Variants in CYP4X1 observed in about 807,000 individuals in gnomAD.
The protein encoded by CYP4X1 is cytochrome P450 family 4 subfamily X member 1.
In CYP4X1, 44 loss-of-function variants were observed where a neutral mutation model predicts 57.9. The observed-to-expected ratio is 0.76, with a 90% CI of 0.60 to 0.98. CYP4X1 has a LOEUF of 0.98. Among genes scored for constraint, CYP4X1 ranks in the 50% least tolerant of loss-of-function variants. The probability of loss-of-function intolerance (pLI) is 0.00; values close to 1 mark genes in which losing one functional copy is unlikely to be tolerated. For missense variants in CYP4X1, 532 were observed against 623.9 expected (o/e 0.85, Z 1.57); for synonymous variants, 227 against 228.6 (o/e 0.99, Z 0.06).
At chr1:47,033,046 C>T (rs980927140) in intron 3 of CYP4X1, among the ~76,000 whole-genome samples, 195 bp from the exon 4 acceptor site, 9 of 152,224 alleles carry the variant, frequency 5.9e-5, no homozygotes, top group Non-Finnish European at 1.2e-4. Flanking sequence ...TAAATACATC[C>T]ATCCCAGAGG....
At chr1:47,014,025 T>A in the CYP4X1 span, among the ~76,000 whole-genome samples, 1 of 152,124 alleles carries the variant, frequency 6.6e-6, no homozygotes, top group South Asian at 2.1e-4. Context: ...TCTGCCCACC[T>A]CGGCCTCCGA....
At chr1:47,012,089 G>T in the CYP4X1 span, among the ~76,000 whole-genome samples, 485 of 152,282 alleles carry the variant, frequency 3.2e-3, no homozygotes, top group African/African-American at 0.011. Flanking sequence ...AAATCACGCT[G>T]CTATAAAGAC....
chr1:46,980,457 A>G, the CYP4X1 span, among the ~76,000 whole-genome samples: 3 of 152,324 alleles, frequency 2.0e-5, no homozygotes, highest in African/African-American at 7.2e-5. Flanking sequence ...ACTACAAACC[A>G]CTGCTCAATG....
chr1:47,006,645 C>T, the CYP4X1 span, among the ~76,000 whole-genome samples: 1 of 152,258 alleles, frequency 6.6e-6, no homozygotes, highest in East Asian at 1.9e-4. Flanking sequence ...TCGCGTCACC[C>T]AGGAAGTGCA....
intron 6 of CYP4X1, 50 bp downstream of exon 6, chr1:47,036,221 C>T (rs1014191564): frequency 1.9e-6 from 3 of 1,553,324 alleles, no homozygotes. Flanking sequence ...CATGATTGTA[C>T]TGTGTCTGTC....
At chr1:47,002,777 T>C in the CYP4X1 span, among the ~76,000 whole-genome samples, 1 of 152,258 alleles carries the variant, frequency 6.6e-6, no homozygotes, top group Admixed American at 6.5e-5. Flanking sequence ...CGGTTTATTG[T>C]CCTCATTTTG....
intron 1 of CYP4X1, among the ~76,000 whole-genome samples, chr1:47,026,386 TATAA>T (rs1557601141): frequency 6.6e-6 from 1 of 152,164 alleles, no homozygotes. Context: ...TATTAAAAAT[TATAA>T]ATAAATAAAT....
chr1:47,015,557 C>T, the CYP4X1 span, among the ~76,000 whole-genome samples: 693 of 152,286 alleles, frequency 4.6e-3, no homozygotes, highest in African/African-American at 0.015. Flanking sequence ...TTAACCCCTT[C>T]AAAACCAAAA....
the CYP4X1 span, among the ~76,000 whole-genome samples, chr1:46,995,909 A>G: frequency 3.3e-5 from 5 of 152,244 alleles, no homozygotes; most frequent in Non-Finnish European, 5.9e-5. Context: ...GACACTTTTC[A>G]TGCTGGGCTC....
chr1:46,968,581 C>G, the CYP4X1 span, among the ~76,000 whole-genome samples: 1 of 152,220 alleles, frequency 6.6e-6, no homozygotes, highest in Non-Finnish European at 1.5e-5. Flanking sequence ...CTGGCTGTGC[C>G]TCTCCCTCCC....
chr1:46,974,561 A>G, the CYP4X1 span, among the ~76,000 whole-genome samples: 7 of 152,080 alleles, frequency 4.6e-5, no homozygotes, highest in African/African-American at 1.4e-4. Flanking sequence ...GTGTTTATTT[A>G]AGTCTCTTCA....
chr1:46,991,516 G>A, the CYP4X1 span, among the ~76,000 whole-genome samples: 1 of 152,180 alleles, frequency 6.6e-6, no homozygotes, highest in Non-Finnish European at 1.5e-5. Context: ...TCCTCCTGCT[G>A]CAGTTAAAGC....
the CYP4X1 span, among the ~76,000 whole-genome samples, chr1:47,002,032 T>A: frequency 6.6e-6 from 1 of 152,228 alleles, no homozygotes; most frequent in Non-Finnish European, 1.5e-5. Flanking sequence ...TCGTGATTTA[T>A]CCACTGACAG....
chr1:46,979,915 C>T, the CYP4X1 span, among the ~76,000 whole-genome samples: 6 of 152,104 alleles, frequency 3.9e-5, no homozygotes, highest in Non-Finnish European at 8.8e-5. Context: ...AGGCCTTCAA[C>T]AAAATTCAAG....
intron 8 of CYP4X1, among the ~76,000 whole-genome samples, chr1:47,045,232 AT>A (rs1644288918): frequency 6.6e-6 from 1 of 152,218 alleles, no homozygotes; most frequent in South Asian, 2.1e-4. Flanking sequence ...TCAGAAAAAC[AT>A]ATAAAAACAC....
At chr1:46,997,636 C>G in the CYP4X1 span, among the ~76,000 whole-genome samples, 1 of 152,286 alleles carries the variant, frequency 6.6e-6, no homozygotes, top group East Asian at 1.9e-4. Context: ...TGATTCAATG[C>G]CTTTACTATT....
chr1:47,049,007 G>A (rs949675101), intron 10 of CYP4X1, among the ~76,000 whole-genome samples: 4 of 152,162 alleles, frequency 2.6e-5, no homozygotes, highest in African/African-American at 9.7e-5. Context: ...TTGTTTGCCT[G>A]GGTATCAGAC....
the CYP4X1 span, among the ~76,000 whole-genome samples, chr1:46,979,349 T>C: frequency 6.6e-6 from 1 of 152,182 alleles, no homozygotes; most frequent in Non-Finnish European, 1.5e-5. Context: ...TATACACATC[T>C]CTATGCAAAT....
At chr1:46,971,197 T>G in the CYP4X1 span, among the ~76,000 whole-genome samples, 1 of 152,132 alleles carries the variant, frequency 6.6e-6, no homozygotes, top group Non-Finnish European at 1.5e-5. Context: ...TCTGTTCCTG[T>G]GTTCTCTTAG....
Sources: gnomAD v4.1 joint callset for allele counts (sites outside exome capture counted in the v4.1 genomes callset) on GRCh38, gnomAD v4.1.1 for gene constraint, MANE v1.5 for transcripts, NCBI Gene and HGNC (gene_info 2026-07-23, HGNC 2026-07-21) for gene names.